ROBO2: variants seen among roughly 807,000 people sequenced by gnomAD.
The protein encoded by ROBO2 is roundabout guidance receptor 2, also known as roundabout homolog 2.
ROBO2 carries 53 observed loss-of-function variants against 160.8 expected under a neutral mutation model. The ratio of observed to expected loss-of-function variants is 0.33; its 90% CI spans 0.26 to 0.41. The LOEUF (loss-of-function observed/expected upper bound fraction) is 0.41. Among genes scored for constraint, ROBO2 ranks in the 10% least tolerant of loss-of-function variants. The pLI, the probability that ROBO2 is intolerant of heterozygous loss-of-function variation, is 1.00. For synonymous variants in ROBO2, 664 were observed against 611.7 expected, an observed-to-expected ratio of 1.09 and a Z score of -1.26; for missense variants, 1,577 against 1,722.4, an observed-to-expected ratio of 0.92 and a Z score of 1.49.
At chr3:77,610,855 T>C (rs2094622517) in intron 21 of ROBO2, among the ~76,000 whole-genome samples, 1 of 151,996 alleles carries the variant, frequency 6.6e-6, no homozygotes, top group African/African-American at 2.4e-5. Context: ...CACCCTCTTT[T>C]CTTTAAGGTT....
chr3:76,381,883 G>A (rs62262619), intron 2 of ROBO2, among the ~76,000 whole-genome samples: 61,102 of 151,948 alleles, frequency 0.4, 13,737 homozygotes, highest in East Asian at 0.66. Context: ...TGTCAAGCTG[G>A]GGAGCCCACT....
intron 2 of ROBO2, among the ~76,000 whole-genome samples, chr3:76,287,302 T>G (rs558679565): frequency 1.5e-4 from 18 of 122,332 alleles, no homozygotes; most frequent in Non-Finnish European, 2.6e-4. Flanking sequence ...TTTCTTTTCT[T>G]TTTTTTTTTT....
intron 2 of ROBO2, among the ~76,000 whole-genome samples, chr3:76,065,314 A>G (rs924923266): frequency 1.3e-5 from 2 of 152,130 alleles, no homozygotes; most frequent in East Asian, 1.9e-4. Flanking sequence ...TATTATCAGG[A>G]TATTTTAAAT....
rs910101914 is a variant in ROBO2, at chr3:76,524,861, A to T, written c.110-573153A>T. Among the ~76,000 whole-genome samples, 355 of 137,742 alleles carry T rather than the reference A, an allele frequency of 2.6e-3. 4 individuals carry two copies. Among genetic ancestry groups the T allele is most frequent in the Admixed American group, 3.8e-3 (51 of 13,406 alleles). The allele number at this position is 137,742 out of a possible 152,430, so 90.4% of individuals were successfully genotyped here. ...AAAAAAAAAAAAAAAAAAAAAAAAAAAAAAATAAGTAAAATCAGATACATC... is the reference window on the plus strand; with the variant it reads ...AAAAAAAAAAAAAAAAAAAAAAAAATAAAAATAAGTAAAATCAGATACATC... On this transcript the variant is annotated intron_variant, in intron 2 of 26. Coordinates refer to the ROBO2 transcript ENST00000487694.
chr3:76,688,124 T>A (rs79897172), intron 2 of ROBO2, among the ~76,000 whole-genome samples: 1 of 152,060 alleles, frequency 6.6e-6, no homozygotes, highest in Admixed American at 6.6e-5. Flanking sequence ...GTAGTAATCA[T>A]ATTAAGGGAA....
chr3:76,691,057 A>G (rs2092791051), intron 2 of ROBO2, among the ~76,000 whole-genome samples: 1 of 152,084 alleles, frequency 6.6e-6, no homozygotes, highest in Non-Finnish European at 1.5e-5. Context: ...TTCTGTCTAA[A>G]AAAAAGAACA....
intron 16 of ROBO2, among the ~76,000 whole-genome samples, chr3:77,583,070 A>T (rs1209503499): frequency 7.3e-6 from 1 of 137,074 alleles, no homozygotes; most frequent in Admixed American, 8.4e-5. Flanking sequence ...TGAACTTGGG[A>T]GGCGGAGGTT....
At chr3:76,465,429 T>A (rs1189286050) in intron 2 of ROBO2, among the ~76,000 whole-genome samples, 1 of 152,080 alleles carries the variant, frequency 6.6e-6, no homozygotes, top group Non-Finnish European at 1.5e-5. Context: ...GGATAAGGCA[T>A]TTTATACCCA....
At chr3:76,190,752 T>C (rs1701969857) in intron 2 of ROBO2, among the ~76,000 whole-genome samples, 1 of 152,080 alleles carries the variant, frequency 6.6e-6, no homozygotes, top group African/African-American at 2.4e-5. Context: ...TTATGGACAA[T>C]AAAGTATCCA....
chr3:77,191,625 A>G (rs1272408296), intron 2 of ROBO2, among the ~76,000 whole-genome samples: 1 of 152,196 alleles, frequency 6.6e-6, no homozygotes, highest in African/African-American at 2.4e-5. Context: ...GGCAAAGGCT[A>G]CAAGTTATGA....
At chr3:77,030,260 C>A (rs1467648997) in intron 2 of ROBO2, among the ~76,000 whole-genome samples, 1 of 152,104 alleles carries the variant, frequency 6.6e-6, no homozygotes, top group Non-Finnish European at 1.5e-5. Flanking sequence ...CCATTCGGTT[C>A]TGAACTAAAA....
chr3:77,175,543 T>C (rs1166242791), intron 2 of ROBO2, among the ~76,000 whole-genome samples: 2 of 151,906 alleles, frequency 1.3e-5, no homozygotes, highest in African/African-American at 4.8e-5. Context: ...CAGTGGACAG[T>C]TGGAGGCAGG....
chr3:76,280,220 T>C (rs1337857445), intron 2 of ROBO2, among the ~76,000 whole-genome samples: 2 of 151,980 alleles, frequency 1.3e-5, no homozygotes, highest in South Asian at 2.1e-4. Context: ...CTTCATAATA[T>C]TTAGTGGAAA....
intron 2 of ROBO2, among the ~76,000 whole-genome samples, chr3:76,448,860 G>T (rs189872307): frequency 6.6e-6 from 1 of 152,256 alleles, no homozygotes; most frequent in East Asian, 1.9e-4. Context: ...CTAGTAGGAA[G>T]TGGTGGGATC....
intron 2 of ROBO2, among the ~76,000 whole-genome samples, chr3:76,413,725 C>T (rs1386201660): frequency 6.6e-6 from 1 of 152,118 alleles, no homozygotes; most frequent in African/African-American, 2.4e-5. Context: ...CCATTCAACA[C>T]GTCTCTAGGA....
intron 20 of ROBO2, among the ~76,000 whole-genome samples, chr3:77,606,825 A>T (rs2094535179): frequency 1.3e-5 from 2 of 152,168 alleles, no homozygotes; most frequent in Admixed American, 1.3e-4. Flanking sequence ...AATCAGTAAG[A>T]TTTTTGGCAG....
chr3:76,077,981 G>A (rs2068696886), intron 2 of ROBO2, among the ~76,000 whole-genome samples: 1 of 152,262 alleles, frequency 6.6e-6, no homozygotes. Flanking sequence ...AACCTGCAGT[G>A]CAAATTTACT....
intron 2 of ROBO2, among the ~76,000 whole-genome samples, chr3:76,825,803 T>C (rs1039800126): frequency 2.6e-5 from 4 of 151,956 alleles, no homozygotes; most frequent in African/African-American, 9.7e-5. Flanking sequence ...CTAAAAATAC[T>C]CACACGCATA....
chr3:77,517,517 T>A (rs1349461287), intron 5 of ROBO2, among the ~76,000 whole-genome samples: 1 of 151,602 alleles, frequency 6.6e-6, no homozygotes, highest in Non-Finnish European at 1.5e-5. Context: ...TTCAGTGACA[T>A]AATCAGATTT....
Sources: gnomAD v4.1 joint callset for allele counts (sites outside exome capture counted in the v4.1 genomes callset) on GRCh38, gnomAD v4.1.1 for gene constraint, MANE v1.5 for transcripts, NCBI Gene and HGNC (gene_info 2026-07-23, HGNC 2026-07-21) for gene names.